The following FYB2 variants were observed in gnomAD, a reference collection of about 807,000 sequenced individuals.
FYB2 encodes the protein FYN binding protein 2, also known as FYN-binding protein 2.
FYB2 carries 103 observed loss-of-function variants against 94.1 expected under a neutral mutation model. The observed-to-expected ratio is 1.09, with a 90% CI of 0.93 to 1.29. The LOEUF is 1.29. Among genes scored for constraint, FYB2 ranks in the 50% most tolerant of loss-of-function variants. The pLI, the probability that FYB2 is intolerant of heterozygous loss-of-function variation, is 0.00. For synonymous variants in FYB2, 293 were observed against 287.9 expected (o/e 1.02, Z -0.18); for missense variants, 896 against 841.5 (o/e 1.06, Z -0.80).
chr1:56,725,621 G>A (rs912685417), intron 16 of FYB2, among the ~76,000 whole-genome samples: 2 of 152,042 alleles, frequency 1.3e-5, no homozygotes, highest in Admixed American at 6.6e-5. Context: ...TGAAGTTTAA[G>A]ATAGAAAGCT....
intron 1 of FYB2, among the ~76,000 whole-genome samples, chr1:56,804,381 A>G (rs1646590694): frequency 6.6e-6 from 1 of 152,310 alleles, no homozygotes; most frequent in African/African-American, 2.4e-5. Flanking sequence ...ATCTTTTAAA[A>G]GGCTTTCTTT....
intron 4 of FYB2, among the ~76,000 whole-genome samples, chr1:56,771,091 G>T (rs1298877718): frequency 1.3e-5 from 2 of 152,108 alleles, no homozygotes; most frequent in African/African-American, 4.8e-5. Flanking sequence ...AAGTTGATTA[G>T]TTAGTATTGT....
At chr1:56,772,276 C>A (rs771116704) in intron 4 of FYB2, among the ~76,000 whole-genome samples, 6 of 152,074 alleles carry the variant, frequency 3.9e-5, no homozygotes, top group Non-Finnish European at 7.4e-5. Flanking sequence ...ATAAATATCT[C>A]ATTTCAGATA....
intron 15 of FYB2, among the ~76,000 whole-genome samples, chr1:56,729,362 G>C (rs927251209): frequency 2.0e-5 from 3 of 152,046 alleles, no homozygotes; most frequent in African/African-American, 7.2e-5. Context: ...AGAGTGATGG[G>C]AAGGGAAAGG....
rs779047620 is a variant in FYB2 at position 56,751,196 on chromosome 1, G to A, written c.1235C>T (p.Ala412Val). 3.1e-6 allele frequency: 5 copies of A among 1,612,098 alleles called. No homozygotes were observed. The highest frequency in any genetic ancestry group is 2.2e-5 in the East Asian group (1 of 44,808). ...AATTTTTTCAGGTGTCCCTTCACAG[G>A]CATCTACCTAAACATATGCAAAAGG... Reference protein sequence around the residue: ...PYSNHVFKVDACEGTPEKIQM... With the variant: ...PYSNHVFKVDVCEGTPEKIQM... The change falls in exon 9 of 20, where the codon GCC becomes GTC. Residue 412 changes from alanine (A) to valine (V), a missense_variant. Coordinates refer to ENST00000343433, the MANE Select transcript of FYB2 (RefSeq NM_001004303.5).
chr1:56,720,284 TGGAACA>T lies in FYB2; in HGVS notation c.2014_2019del (p.Cys672_Ser673del), dbSNP rs774573204. The T allele has an allele frequency of 4.3e-6, 7 of 1,612,052 alleles. No homozygotes were observed. Among genetic ancestry groups the T allele is most frequent in the Non-Finnish European group, 5.9e-6 (7 of 1,178,896 alleles). On this transcript the variant is annotated inframe_deletion, in exon 18 of 20. Coordinates refer to ENST00000343433, the MANE Select transcript of FYB2 (RefSeq NM_001004303.5). ...TCAAATATTCCATTTCTTGAATTAT[TGGAACA>T]GGCCACTGCTGTATTGATGACAATA... is the stretch of plus-strand genomic sequence containing the variant.
intron 4 of FYB2, among the ~76,000 whole-genome samples, chr1:56,779,016 A>G (rs1645948485): frequency 6.6e-6 from 1 of 152,160 alleles, no homozygotes; most frequent in Non-Finnish European, 1.5e-5. Flanking sequence ...AGAAAATATA[A>G]GTACTTCTGA....
At chr1:56,730,323 G>T (rs570929282) in intron 15 of FYB2, among the ~76,000 whole-genome samples, 3 of 132,624 alleles carry the variant, frequency 2.3e-5, no homozygotes, top group Admixed American at 7.6e-5. Context: ...GGAGGGGAGG[G>T]AGGAGGGGAG....
chr1:56,818,271 T>C (rs1046777501), intron 1 of FYB2, among the ~76,000 whole-genome samples: 3 of 151,976 alleles, frequency 2.0e-5, no homozygotes, highest in African/African-American at 7.3e-5. Context: ...CTATTTGGAC[T>C]GGAGTGATTT....
intron 1 of FYB2, among the ~76,000 whole-genome samples, chr1:56,809,212 G>T (rs1440264001): frequency 6.6e-6 from 1 of 152,196 alleles, no homozygotes; most frequent in Non-Finnish European, 1.5e-5. Flanking sequence ...AACTTTAAAG[G>T]TCTACAGAGA....
chr1:56,736,441 T>TTTG (rs1167165373), intron 15 of FYB2, among the ~76,000 whole-genome samples: 1 of 150,644 alleles, frequency 6.6e-6, no homozygotes, highest in Non-Finnish European at 1.5e-5. Context: ...TTTTTTTTTT[T>TTTG]TTGGAACAGA....
intron 9 of FYB2, 118 bp from the exon 10 acceptor site, chr1:56,744,384 T>C (rs1349913991): frequency 2.8e-6 from 2 of 721,444 alleles, no homozygotes; most frequent in African/African-American, 3.5e-5. Flanking sequence ...TGGGCTAAAA[T>C]TGGATTACAG....
At position 56,736,507 on chromosome 1, in the gene FYB2, C is replaced by A. The variant is rs989380593; in HGVS notation, c.1793+580G>T. 8.1e-5 allele frequency among the ~76,000 whole-genome samples: 12 copies of A among 147,874 alleles called. No homozygotes were observed. The South Asian group carries it at 8.6e-4, about 11-fold the overall frequency. ...GTGGTGTGATCCCGGCTCACTACAA[C>A]CTCTGCCTCAAAGGCTCAAGCCATC... On this transcript the variant is annotated intron_variant, in intron 15 of 19. Transcript: ENST00000343433.
At chr1:56,813,235 A>G (rs1646807516) in intron 1 of FYB2, among the ~76,000 whole-genome samples, 1 of 152,226 alleles carries the variant, frequency 6.6e-6, no homozygotes, top group African/African-American at 2.4e-5. Flanking sequence ...GCTAATAAAG[A>G]CATACCTGAG....
chr1:56,780,157 T>G (rs1738408), intron 4 of FYB2, among the ~76,000 whole-genome samples: 2 of 152,138 alleles, frequency 1.3e-5, no homozygotes, highest in East Asian at 1.9e-4. Context: ...AAATAAACCT[T>G]TGTACAAAAC....
Position 56,744,023 on chromosome 1 carries a change from T to C in FYB2, c.1543+3A>G, listed in dbSNP as rs1371974016. On this transcript the variant is annotated splice_donor_region_variant and intron_variant, in intron 11 of 19. Transcript: ENST00000343433. ...AACTTCAGAAATGTCTTCCTATACT[T>C]ACCACTACTTGAGGCAAGTGAGCTA... is the stretch of plus-strand genomic sequence containing the variant. The C allele has an allele frequency of 6.2e-7, 1 of 1,612,042 alleles. No individual in the cohort carries two copies. Among genetic ancestry groups the C allele is most frequent in the Admixed American group, 1.7e-5 (1 of 59,826 alleles).
At chr1:56,743,498 G>A (rs924613652) in intron 11 of FYB2, among the ~76,000 whole-genome samples, 2 of 152,002 alleles carry the variant, frequency 1.3e-5, no homozygotes, top group African/African-American at 4.8e-5. Flanking sequence ...AAGGTACCCA[G>A]GGGAGGAAAG....
At chr1:56,777,966 T>A (rs929756972) in intron 4 of FYB2, among the ~76,000 whole-genome samples, 43 of 152,030 alleles carry the variant, frequency 2.8e-4, no homozygotes, top group African/African-American at 9.4e-4. Context: ...AATAATTTTT[T>A]TAAAAAAAGA....
chr1:56,738,907 A>G (rs1644888645), intron 13 of FYB2, among the ~76,000 whole-genome samples: 1 of 152,100 alleles, frequency 6.6e-6, no homozygotes, highest in African/African-American at 2.4e-5. Context: ...TCAATAAGGG[A>G]CAATATTTGA....
Sources: allele counts gnomAD v4.1 joint callset (sites outside exome capture counted in the v4.1 genomes callset), GRCh38; gene constraint gnomAD v4.1.1; transcripts MANE v1.5; gene names NCBI Gene and HGNC (gene_info 2026-07-23, HGNC 2026-07-21).